PDE1C: variants seen among roughly 807,000 people sequenced by gnomAD.
PDE1C encodes phosphodiesterase 1C.
Under a neutral mutation model 93.1 loss-of-function variants are expected in PDE1C, and 62 were observed. That is an observed-to-expected ratio of 0.67 (90% CI 0.54 to 0.82). The LOEUF (loss-of-function observed/expected upper bound fraction) is 0.82, where lower values mean the gene tolerates loss of function less well. PDE1C is among the 40% of genes least tolerant of loss of function. The pLI is 0.00. For missense variants in PDE1C, 742 were observed against 884.6 expected (o/e 0.84, Z 2.04); for synonymous variants, 325 against 310.1 (o/e 1.05, Z -0.50).
chr7:31,760,984 T>G (rs958415249), intron 17 of PDE1C, among the ~76,000 whole-genome samples: 1 of 152,196 alleles, frequency 6.6e-6, no homozygotes, highest in African/African-American at 2.4e-5. Flanking sequence ...ACTGGAATGT[T>G]AACGTGAGCC....
chr7:32,029,888 G>A (rs1790057476), intron 2 of PDE1C, among the ~76,000 whole-genome samples: 1 of 152,030 alleles, frequency 6.6e-6, no homozygotes, highest in East Asian at 1.9e-4. Context: ...TTATATTGCT[G>A]CAACATTATT....
intron 1 of PDE1C, among the ~76,000 whole-genome samples, chr7:32,312,115 A>T (rs1226678566): frequency 1.3e-5 from 2 of 151,916 alleles, no homozygotes; most frequent in Non-Finnish European, 2.9e-5. Context: ...CCAATAACAG[A>T]CAAACAGAGA....
chr7:32,061,651 C>T (rs1435409269), intron 1 of PDE1C, among the ~76,000 whole-genome samples: 1 of 152,232 alleles, frequency 6.6e-6, no homozygotes, highest in Non-Finnish European at 1.5e-5. Flanking sequence ...ATTTGGCTCC[C>T]TGGGTCATGG....
intron 3 of PDE1C, among the ~76,000 whole-genome samples, chr7:32,149,532 A>G (rs1801110535): frequency 6.6e-6 from 1 of 152,242 alleles, no homozygotes; most frequent in Admixed American, 6.5e-5. Context: ...TTACATTGCA[A>G]AAACACTTAA....
chr7:32,147,584 C>T (rs896136107), intron 3 of PDE1C, among the ~76,000 whole-genome samples: 7 of 152,084 alleles, frequency 4.6e-5, no homozygotes, highest in Non-Finnish European at 1.0e-4. Context: ...CTCCCAAAGC[C>T]ATTCTGTTGG....
At chr7:31,852,632 TAAGG>T (rs1793489944) in intron 7 of PDE1C, among the ~76,000 whole-genome samples, 1 of 151,786 alleles carries the variant, frequency 6.6e-6, no homozygotes, top group African/African-American at 2.4e-5. Flanking sequence ...ACTTGACAGA[TAAGG>T]AAACAAGCCA....
intron 1 of PDE1C, among the ~76,000 whole-genome samples, chr7:32,241,647 A>T (rs929249748): frequency 5.3e-5 from 8 of 152,224 alleles, no homozygotes; most frequent in African/African-American, 1.9e-4. Context: ...GTTTCTTTTT[A>T]AAAATGGAGG....
chr7:32,298,868 G>C (rs1470577721), exon 1 of PDE1C: 3 of 1,377,186 alleles, frequency 2.2e-6, no homozygotes, highest in Non-Finnish European at 2.8e-6. Flanking sequence ...TCTCAGCCCC[G>C]CCGCGCGCTG....
chr7:32,231,712 T>G (rs17161068), intron 1 of PDE1C, among the ~76,000 whole-genome samples: 15,983 of 152,054 alleles, frequency 0.11, 900 homozygotes, highest in East Asian at 0.13. Flanking sequence ...CTGAGTACAG[T>G]TGAAATAATA....
intron 1 of PDE1C, among the ~76,000 whole-genome samples, chr7:32,333,230 T>C (rs971562376): frequency 4.6e-5 from 7 of 152,210 alleles, no homozygotes; most frequent in Admixed American, 2.6e-4. Flanking sequence ...TTACAAATAC[T>C]AATTTTCTGA....
intron 1 of PDE1C, among the ~76,000 whole-genome samples, chr7:32,356,941 C>T (rs1784042116): frequency 1.4e-5 from 2 of 145,866 alleles, no homozygotes; most frequent in Non-Finnish European, 3.0e-5. Context: ...AGGGGACATG[C>T]TAGATGAATG....
At chr7:31,988,995 C>CAA (rs36081234) in intron 2 of PDE1C, among the ~76,000 whole-genome samples, 2,756 of 32,062 alleles carry the variant, frequency 0.086, 212 homozygotes, top group East Asian at 0.39. Context: ...AACTTCTTCT[C>CAA]AAAAAAAAAA....
chr7:32,036,140 C>A (rs545484160), intron 2 of PDE1C, among the ~76,000 whole-genome samples: 2 of 152,274 alleles, frequency 1.3e-5, no homozygotes, highest in East Asian at 3.9e-4. Flanking sequence ...ATGACTTTTT[C>A]TCCTATAAAT....
chr7:32,305,773 C>A (rs1812984634), intron 1 of PDE1C, among the ~76,000 whole-genome samples: 1 of 152,242 alleles, frequency 6.6e-6, no homozygotes, highest in South Asian at 2.1e-4. Flanking sequence ...CATATGGCAC[C>A]TCTGTGAGAG....
At chr7:31,972,390 T>A (rs1004386826) in intron 2 of PDE1C, among the ~76,000 whole-genome samples, 1 of 152,196 alleles carries the variant, frequency 6.6e-6, no homozygotes, top group African/African-American at 2.4e-5. Flanking sequence ...CTGAGAAATG[T>A]CAACCTGACT....
At chr7:32,026,425 A>G (rs1324731638) in intron 2 of PDE1C, among the ~76,000 whole-genome samples, 1 of 152,178 alleles carries the variant, frequency 6.6e-6, no homozygotes, top group Non-Finnish European at 1.5e-5. Context: ...TTCTGCTGAG[A>G]CAAGAGAATT....
intron 14 of PDE1C, among the ~76,000 whole-genome samples, chr7:31,822,282 C>T (rs1562864831): frequency 6.6e-6 from 1 of 151,998 alleles, no homozygotes; most frequent in Non-Finnish European, 1.5e-5. Flanking sequence ...CCAGAGCCAC[C>T]ATGTCTTTGT....
At chr7:31,828,196 C>A in intron 12 of PDE1C, 96 bp downstream of exon 12, 1 of 913,974 alleles carries the variant, frequency 1.1e-6, no homozygotes, top group Non-Finnish European at 1.7e-6. Context: ...CAGAATGGAG[C>A]CAGTTTCCCA....
intron 1 of PDE1C, among the ~76,000 whole-genome samples, chr7:32,343,286 G>A (rs6977362): frequency 2.0e-5 from 3 of 152,178 alleles, no homozygotes; most frequent in Admixed American, 2.0e-4. Context: ...GGACACCAAC[G>A]CTTGGAGAAC....
Sources: allele counts gnomAD v4.1 joint callset (sites outside exome capture counted in the v4.1 genomes callset), GRCh38; gene constraint gnomAD v4.1.1; transcripts MANE v1.5; gene names NCBI Gene and HGNC (gene_info 2026-07-23, HGNC 2026-07-21).